Variants in EYS observed in about 807,000 individuals in gnomAD.
The protein encoded by EYS is EGF-like photoreceptor maintenance factor.
Under a neutral mutation model 282.1 loss-of-function variants are expected in EYS, and 250 were observed. That is an observed-to-expected ratio of 0.89 (90% CI 0.80 to 0.98). EYS has a LOEUF of 0.98. Ranked by LOEUF, EYS falls within the 50% of genes least tolerant of loss-of-function variation. The probability of loss-of-function intolerance (pLI) is 0.00; values close to 1 mark genes in which losing one functional copy is unlikely to be tolerated. For missense variants in EYS, 4,016 were observed against 3,709.0 expected, an observed-to-expected ratio of 1.08 and a Z score of -2.15; for synonymous variants, 1,355 against 1,282.9, an observed-to-expected ratio of 1.06 and a Z score of -1.20.
At chr6:65,440,144 G>A (rs1295552795) in intron 5 of EYS, among the ~76,000 whole-genome samples, 4 of 152,024 alleles carry the variant, frequency 2.6e-5, no homozygotes, top group Non-Finnish European at 4.4e-5. Context: ...ATACAGATGA[G>A]CTTAAAATAA....
At chr6:65,634,050 A>G (rs1318261717) in intron 2 of EYS, among the ~76,000 whole-genome samples, 2 of 152,244 alleles carry the variant, frequency 1.3e-5, no homozygotes, top group African/African-American at 4.8e-5. Context: ...TTTCCAGGAA[A>G]TGTTTTTAAA....
intron 18 of EYS, among the ~76,000 whole-genome samples, chr6:64,900,533 A>G (rs1196110065): frequency 1.3e-5 from 2 of 152,242 alleles, no homozygotes; most frequent in African/African-American, 4.8e-5. Context: ...CAAATTTACA[A>G]GAAAAAAACA....
In EYS at chr6:64,975,298, A is replaced by T. The variant is rs1005265496; in HGVS notation, c.2259+22284T>A. ...GTGCAAAAAGACAGCTTTCCTTGTT[A>T]AAAAAAATACATTACTATAAATATA... On this transcript the variant is annotated intron_variant, in intron 14 of 42. Transcript: ENST00000503581. Among the ~76,000 whole-genome samples, 521 of 151,536 alleles carry T rather than the reference A, an allele frequency of 3.4e-3. 5 individuals are homozygous for T. Among genetic ancestry groups the T allele is most frequent in the Non-Finnish European group, 1.9e-3 (131 of 67,730 alleles).
chr6:64,042,608 T>G (rs1027718964), intron 33 of EYS, among the ~76,000 whole-genome samples: 5 of 152,200 alleles, frequency 3.3e-5, no homozygotes, highest in Admixed American at 2.0e-4. Flanking sequence ...ACTTCCCTCT[T>G]TACCTCTCCA....
intron 16 of EYS, among the ~76,000 whole-genome samples, chr6:64,909,560 T>C (rs1328843535): frequency 6.6e-6 from 1 of 152,120 alleles, no homozygotes; most frequent in Non-Finnish European, 1.5e-5. Flanking sequence ...TACTGTCACA[T>C]GCTCTTTTGC....
chr6:64,035,236 C>G (rs1041944427), intron 33 of EYS, among the ~76,000 whole-genome samples: 10 of 152,158 alleles, frequency 6.6e-5, no homozygotes, highest in Admixed American at 1.3e-4. Flanking sequence ...TTTTCTTCAT[C>G]TAGGATTATG....
chr6:63,729,984 A>G (rs1041862518), intron 41 of EYS, among the ~76,000 whole-genome samples: 1 of 152,202 alleles, frequency 6.6e-6, no homozygotes, highest in Admixed American at 6.5e-5. Context: ...TGTTTTGGCT[A>G]TATGAGTTAT....
At chr6:63,987,553 T>C (rs907236872) in intron 34 of EYS, among the ~76,000 whole-genome samples, 2 of 151,702 alleles carry the variant, frequency 1.3e-5, no homozygotes, top group African/African-American at 2.4e-5. Context: ...TGAGCTACAA[T>C]TGAAGTCTAA....
chr6:64,624,765 T>A (rs139324542), intron 23 of EYS, among the ~76,000 whole-genome samples: 1 of 152,282 alleles, frequency 6.6e-6, no homozygotes, highest in East Asian at 1.9e-4. Flanking sequence ...GTCCTAATAC[T>A]CTCATGGCTA....
chr6:65,310,624 C>T lies in EYS; in HGVS notation c.1767-14505G>A, dbSNP rs373614897. Among the ~76,000 whole-genome samples the T allele has an allele frequency of 3.3e-4, 50 of 152,300 alleles. No homozygotes were observed. In the East Asian group the frequency reaches 6.6e-3, roughly 20 times the overall value. On this transcript the variant is annotated intron_variant, in intron 11 of 42. Transcript: ENST00000503581. Reference sequence around the variant, plus strand: ...CTCTTCTGCCTCATCTGAACCTTAGCTCTTTCCACACCCTTCTCATTCTGC... The same window carrying T: ...CTCTTCTGCCTCATCTGAACCTTAGTTCTTTCCACACCCTTCTCATTCTGC...
chr6:64,924,471 C>T (rs1225334729), intron 15 of EYS, among the ~76,000 whole-genome samples: 1 of 152,196 alleles, frequency 6.6e-6, no homozygotes, highest in African/African-American at 2.4e-5. Context: ...TAACATTAGG[C>T]TCCTTGCTAC....
chr6:65,484,456 G>T (rs941195785), intron 5 of EYS, among the ~76,000 whole-genome samples: 2 of 152,134 alleles, frequency 1.3e-5, no homozygotes, highest in African/African-American at 4.8e-5. Flanking sequence ...GGATAATATG[G>T]TAATATAACC....
intron 35 of EYS, among the ~76,000 whole-genome samples, chr6:63,883,472 A>ATGGGGGGG (rs1773185581): frequency 6.6e-6 from 1 of 152,218 alleles, no homozygotes; most frequent in African/African-American, 2.4e-5. Context: ...GGAAACTCTC[A>ATGGGGGGG]ACCAACGTGG....
At chr6:64,652,019 C>T (rs1251472844) in intron 22 of EYS, among the ~76,000 whole-genome samples, 1 of 152,182 alleles carries the variant, frequency 6.6e-6, no homozygotes, top group Non-Finnish European at 1.5e-5. Flanking sequence ...TAGACTTTAA[C>T]AACAGGTTTT....
At chr6:65,273,725 C>T (rs1283836201) in intron 12 of EYS, among the ~76,000 whole-genome samples, 4 of 152,198 alleles carry the variant, frequency 2.6e-5, no homozygotes, top group Non-Finnish European at 5.9e-5. Context: ...TTATGCTATA[C>T]GTTACGTGAC....
At chr6:65,316,013 A>G (rs1471893975) in intron 11 of EYS, among the ~76,000 whole-genome samples, 4 of 152,226 alleles carry the variant, frequency 2.6e-5, no homozygotes, top group Non-Finnish European at 5.9e-5. Context: ...GACTACAAAT[A>G]AGATTGAAAA....
chr6:64,657,550 G>A (rs1426019444), intron 22 of EYS, among the ~76,000 whole-genome samples: 1 of 152,114 alleles, frequency 6.6e-6, no homozygotes, highest in Non-Finnish European at 1.5e-5. Context: ...GGCAGGCCTG[G>A]TGGTGAGAAA....
At chr6:65,427,043 C>T (rs1393700) in intron 5 of EYS, among the ~76,000 whole-genome samples, 43,649 of 151,694 alleles carry the variant, frequency 0.29, 6,387 homozygotes, top group Middle Eastern at 0.36. Context: ...TTTCCCATAG[C>T]GAAGCCATAG....
chr6:63,865,568 T>C (rs951759267), intron 35 of EYS, among the ~76,000 whole-genome samples: 1 of 152,154 alleles, frequency 6.6e-6, no homozygotes, highest in Admixed American at 6.5e-5. Context: ...CTCTTAAGCA[T>C]AGGTGCCAGG....
Sources: allele counts gnomAD v4.1 joint callset (sites outside exome capture counted in the v4.1 genomes callset), GRCh38; gene constraint gnomAD v4.1.1; transcripts MANE v1.5; gene names NCBI Gene and HGNC (gene_info 2026-07-23, HGNC 2026-07-21).